The following SCN11A variants were observed in gnomAD, a reference collection of about 807,000 sequenced individuals.
SCN11A encodes the protein sodium channel protein type 11 subunit alpha.
Under a neutral mutation model 162.2 loss-of-function variants are expected in SCN11A, and 122 were observed. The ratio of observed to expected loss-of-function variants is 0.75; its 90% CI spans 0.65 to 0.87. The LOEUF is 0.87. SCN11A is among the 40% of genes least tolerant of loss of function. The probability of loss-of-function intolerance (pLI) is 0.00; values close to 1 mark genes in which losing one functional copy is unlikely to be tolerated. For synonymous variants in SCN11A, 758 were observed against 751.5 expected (o/e 1.01, Z -0.14); for missense variants, 2,015 against 2,181.6 (o/e 0.92, Z 1.52).
intron 2 of SCN11A, chr3:39,025,955 C>T (rs1470299034): frequency 6.6e-6 from 1 of 150,538 alleles, no homozygotes; most frequent in African/African-American, 2.4e-5. Context: ...ATAACTAAAG[C>T]AGTATTTTTG....
chr3:38,894,153 T>C (rs1347023595), intron 19 of SCN11A, among the ~76,000 whole-genome samples: 1 of 118,912 alleles, frequency 8.4e-6, no homozygotes, highest in African/African-American at 3.1e-5. Flanking sequence ...TTCCCAGCAC[T>C]GCCTTTTTTT....
intron 2 of SCN11A, among the ~76,000 whole-genome samples, chr3:38,974,457 A>ATTTTG (rs2066835289): frequency 6.6e-6 from 1 of 152,132 alleles, no homozygotes; most frequent in African/African-American, 2.4e-5. Flanking sequence ...GCACTTTGGG[A>ATTTTG]GGCCGAGGCG....
chr3:38,856,504 G>A (rs1437294562), intron 28 of SCN11A, among the ~76,000 whole-genome samples: 2 of 152,154 alleles, frequency 1.3e-5, no homozygotes, highest in African/African-American at 4.8e-5. Context: ...CCTGGCAGAG[G>A]AGCTGAGGTA....
At chr3:39,009,865 G>C (rs77238761) in intron 2 of SCN11A, among the ~76,000 whole-genome samples, 71 of 108,626 alleles carry the variant, frequency 6.5e-4, no homozygotes, top group African/African-American at 2.2e-3. Context: ...TTTTTTTTTG[G>C]TAAAGATAGG....
chr3:38,882,139 T>G (rs2065319649), intron 22 of SCN11A, among the ~76,000 whole-genome samples: 1 of 152,218 alleles, frequency 6.6e-6, no homozygotes, highest in Admixed American at 6.5e-5. Context: ...AGAAATCTGC[T>G]TTTCTATTTG....
chr3:38,847,534 G>A lies in SCN11A; in HGVS notation c.4536C>T (p.Ala1512=). ...TGGAAAACCAGTTCATACCCAGAAT[G>A]GCATAGATAAACATAATCAGAAAGA... is the stretch of plus-strand genomic sequence containing the variant. The part of the protein sequence containing the change: ...LLLFLIMFIY[A]ILGMNWFSKV... Residue 1512 remains alanine (A), a synonymous_variant, in exon 30 of 30, where the codon GCC becomes GCT. Transcript: ENST00000302328. 6.2e-7 allele frequency: 1 copy of A among 1,614,100 alleles called. No homozygotes were observed. The highest frequency in any genetic ancestry group is 1.1e-5 in the South Asian group (1 of 91,082).
intron 2 of SCN11A, among the ~76,000 whole-genome samples, chr3:38,977,748 T>C (rs1472635732): frequency 6.6e-6 from 1 of 152,172 alleles, no homozygotes; most frequent in Admixed American, 6.5e-5. Flanking sequence ...GCTTACTCTG[T>C]AACTTCTACT....
chr3:39,039,942 C>T (rs1005739810), intron 1 of SCN11A, among the ~76,000 whole-genome samples: 2 of 152,214 alleles, frequency 1.3e-5, no homozygotes, highest in African/African-American at 4.8e-5. Context: ...TACATGTCCG[C>T]CAAGGGCTGA....
intron 2 of SCN11A, among the ~76,000 whole-genome samples, chr3:38,979,759 C>T (rs2029949401): frequency 6.6e-6 from 1 of 152,192 alleles, no homozygotes; most frequent in South Asian, 2.1e-4. Context: ...ACAGACCCCT[C>T]CAGCCTTTGT....
chr3:39,029,476 T>C (rs530068876), intron 2 of SCN11A, among the ~76,000 whole-genome samples: 1 of 152,356 alleles, frequency 6.6e-6, no homozygotes, highest in African/African-American at 2.4e-5. Context: ...ATTAGGGAAA[T>C]TGGCTCACTG....
chr3:39,036,871 G>A (rs1167434714), intron 1 of SCN11A, among the ~76,000 whole-genome samples: 1 of 152,186 alleles, frequency 6.6e-6, no homozygotes, highest in Non-Finnish European at 1.5e-5. Flanking sequence ...TATACTGTTA[G>A]TGGGAATGTA....
intron 2 of SCN11A, among the ~76,000 whole-genome samples, chr3:38,976,877 T>C (rs558518601): frequency 2.0e-5 from 3 of 152,336 alleles, no homozygotes; most frequent in Admixed American, 6.5e-5. Context: ...GTAGACGCTC[T>C]GAATAATGAC....
chr3:38,993,897 A>T (rs1385745151), intron 2 of SCN11A, among the ~76,000 whole-genome samples: 1 of 152,202 alleles, frequency 6.6e-6, no homozygotes, highest in Non-Finnish European at 1.5e-5. Flanking sequence ...GTTCTCCACA[A>T]ATTACATGGG....
intron 22 of SCN11A, among the ~76,000 whole-genome samples, chr3:38,882,435 C>A (rs2065324752): frequency 2.6e-5 from 4 of 152,104 alleles, no homozygotes. Flanking sequence ...TTTGTTATGT[C>A]AAACAGTAAG....
At chr3:38,928,826 C>T (rs114221773) in intron 7 of SCN11A, among the ~76,000 whole-genome samples, 80 of 152,222 alleles carry the variant, frequency 5.3e-4, no homozygotes, top group African/African-American at 1.9e-3. Flanking sequence ...AACACTTGTG[C>T]ACTGTTGATG....
Position 38,883,341 on chromosome 3 carries a change from A to T in SCN11A, c.3111T>A (p.Pro1037=). Residue 1037 remains proline (P), a synonymous_variant, in exon 22 of 30, where the codon CCT becomes CCA. Transcript: ENST00000302328. ...GCAGGTTCCACCAAATGACCCAGGG[A>T]GGCTTTCTCTTGTCCACGCTACAGC... The part of the protein sequence containing the change: ...FPCCSVDKRK[P]PWVIWWNLRK... The T allele has an allele frequency of 6.2e-7, 1 of 1,614,096 alleles. No homozygotes were observed. The highest frequency in any genetic ancestry group is 8.5e-7 in the Non-Finnish European group (1 of 1,179,954).
chr3:39,023,000 A>G (rs2125607686), intron 2 of SCN11A, among the ~76,000 whole-genome samples: 1 of 152,350 alleles, frequency 6.6e-6, no homozygotes, highest in Middle Eastern at 3.4e-3. Context: ...TTATTTTTTA[A>G]GTGTGATAAT....
intron 2 of SCN11A, among the ~76,000 whole-genome samples, chr3:38,993,187 G>A (rs992624613): frequency 3.9e-5 from 6 of 152,216 alleles, no homozygotes; most frequent in Admixed American, 3.3e-4. Flanking sequence ...ACTCCTCTGG[G>A]GTGGCCATGG....
At chr3:39,018,876 A>G (rs1320924053) in intron 2 of SCN11A, among the ~76,000 whole-genome samples, 1 of 152,236 alleles carries the variant, frequency 6.6e-6, no homozygotes, top group Non-Finnish European at 1.5e-5. Flanking sequence ...CAAAAATTAT[A>G]TAACAGTGAT....
Sources: gnomAD v4.1 joint callset for allele counts (sites outside exome capture counted in the v4.1 genomes callset) on GRCh38, gnomAD v4.1.1 for gene constraint, MANE v1.5 for transcripts, NCBI Gene and HGNC (gene_info 2026-07-23, HGNC 2026-07-21) for gene names.